Variants in FANCA observed in about 807,000 individuals in gnomAD.
The protein encoded by FANCA is Fanconi anemia group A protein.
In FANCA, 236 loss-of-function variants were observed where a neutral mutation model predicts 194.3. The ratio of observed to expected loss-of-function variants is 1.21; its 90% CI spans 1.09 to 1.35. The LOEUF (loss-of-function observed/expected upper bound fraction) is 1.35. Ranked by LOEUF, FANCA falls within the 40% of genes most tolerant of loss-of-function variation. FANCA has a pLI of 0.00. For synonymous variants in FANCA, 1,014 were observed against 715.8 expected, an observed-to-expected ratio of 1.42 and a Z score of -6.65; for missense variants, 2,628 against 1,813.9, an observed-to-expected ratio of 1.45 and a Z score of -8.15.
chr16:89,762,507 T>C (rs2143265451), intron 28 of FANCA: 1 of 224,070 alleles, frequency 4.5e-6, no homozygotes, highest in African/African-American at 2.4e-5. Flanking sequence ...GGCAGGAGGA[T>C]CTCTTGAGCC....
intron 29 of FANCA, among the ~76,000 whole-genome samples, chr16:89,760,943 G>C (rs1023964078): frequency 6.6e-6 from 1 of 152,128 alleles, no homozygotes; most frequent in African/African-American, 2.4e-5. Flanking sequence ...GCCCAGCCAG[G>C]GTAGGGTGAA....
chr16:89,796,888 T>A (rs574220251), intron 10 of FANCA, among the ~76,000 whole-genome samples: 6 of 151,988 alleles, frequency 3.9e-5, no homozygotes, highest in Admixed American at 6.5e-5. Context: ...GCCAGGCGCA[T>A]TGGCTCACAC....
At chr16:89,766,490 A>G (rs1224004530) in intron 27 of FANCA, among the ~76,000 whole-genome samples, 2 of 151,746 alleles carry the variant, frequency 1.3e-5, no homozygotes, top group African/African-American at 4.8e-5. Flanking sequence ...CGGGTGGATC[A>G]CTTGAGGTCA....
chr16:89,773,569 C>A (rs548589586), intron 21 of FANCA, among the ~76,000 whole-genome samples, 185 bp from the exon 22 acceptor site: 1 of 151,832 alleles, frequency 6.6e-6, no homozygotes, highest in East Asian at 1.9e-4. Context: ...GATGCCACAT[C>A]GAAAATTACA....
At position 89,738,133 on chromosome 16, in the gene FANCA, C is replaced by T; in HGVS notation, c.*468G>A. 1.2e-6 allele frequency: 2 copies of T among 1,613,738 alleles called. No individual in the cohort carries two copies. Among genetic ancestry groups the T allele is most frequent in the Non-Finnish European group, 1.7e-6 (2 of 1,180,018 alleles). On this transcript the variant is annotated 3_prime_UTR_variant, in exon 43 of 43. Coordinates refer to ENST00000389301, the MANE Select transcript of FANCA (RefSeq NM_000135.4). Reference sequence around the variant, plus strand: ...CAATGTACACATGTCCATGGTGCACCCGCTGACACAGACCCAGGACAAGGC... The same window carrying T: ...CAATGTACACATGTCCATGGTGCACTCGCTGACACAGACCCAGGACAAGGC...
intron 1 of FANCA, 104 bp downstream of exon 1, chr16:89,816,433 G>C: frequency 9.2e-7 from 1 of 1,083,738 alleles, no homozygotes; most frequent in Non-Finnish European, 1.2e-6. Flanking sequence ...CGCGGCGTCC[G>C]GGGATCCGAC....
chr16:89,746,575 C>T lies in FANCA; in HGVS notation c.3513+9G>A, dbSNP rs1394337237. 1 of 1,611,700 alleles carries T rather than the reference C, an allele frequency of 6.2e-7. No homozygotes were observed. Among genetic ancestry groups the T allele is most frequent in the Non-Finnish European group, 8.5e-7 (1 of 1,177,832 alleles). On this transcript the variant is annotated intron_variant, in intron 35 of 42. Coordinates refer to ENST00000389301, the MANE Select transcript of FANCA (RefSeq NM_000135.4). ...CAAAACAAAACACCAAACAAGACAG[C>T]TGACCCACCAGAGCAGAGGTCAAAA...
rs752878349 is a variant in FANCA, at chr16:89,778,934, C to T, written c.1776+9G>A. 3.7e-6 allele frequency: 6 copies of T among 1,614,152 alleles called. No individual in the cohort carries two copies. The highest frequency in any genetic ancestry group is 5.1e-6 in the Non-Finnish European group (6 of 1,180,026). ...AACTGGTCACAAACTCATGGAGACG[C>T]ATACTGACCACTCGAGGTGTGAGCA... is the stretch of plus-strand genomic sequence containing the variant. On this transcript the variant is annotated intron_variant, in intron 19 of 42. Coordinates refer to ENST00000389301, the MANE Select transcript of FANCA (RefSeq NM_000135.4).
chr16:89,792,952 G>C (rs1180017469), intron 11 of FANCA, among the ~76,000 whole-genome samples: 3 of 152,194 alleles, frequency 2.0e-5, no homozygotes, highest in Admixed American at 2.0e-4. Flanking sequence ...GCATATCAGA[G>C]ACTTTTAGTA....
intron 29 of FANCA, 86 bp from the exon 30 acceptor site, chr16:89,758,791 G>T (rs903220708): frequency 6.3e-7 from 1 of 1,586,768 alleles, no homozygotes; most frequent in African/African-American, 1.3e-5. Flanking sequence ...CCATAGTAAG[G>T]GACACACAGC....
intron 20 of FANCA, 50 bp downstream of exon 20, chr16:89,778,751 G>A: frequency 6.5e-7 from 1 of 1,542,862 alleles, no homozygotes; most frequent in Non-Finnish European, 8.9e-7. Context: ...TCTTCGCATT[G>A]TCAGAAGAAA....
At chr16:89,795,426 C>T (rs927326878) in intron 11 of FANCA, among the ~76,000 whole-genome samples, 6 of 150,338 alleles carry the variant, frequency 4.0e-5, no homozygotes, top group Non-Finnish European at 8.9e-5. Flanking sequence ...CACCGAAGGT[C>T]AGGAGTTCGA....
chr16:89,766,316 C>T (rs752612210), intron 27 of FANCA, among the ~76,000 whole-genome samples: 1 of 151,750 alleles, frequency 6.6e-6, no homozygotes, highest in African/African-American at 2.4e-5. Flanking sequence ...ATTTTATACA[C>T]GAGACGTTCA....
At chr16:89,775,882 C>A in intron 20 of FANCA, 67 bp from the exon 21 acceptor site, 1 of 952,392 alleles carries the variant, frequency 1.0e-6, no homozygotes, top group Non-Finnish European at 1.6e-6. Context: ...TTACAATCCC[C>A]AAATCTATTA....
intron 27 of FANCA, among the ~76,000 whole-genome samples, chr16:89,766,640 G>C (rs1484105996): frequency 6.6e-6 from 1 of 151,916 alleles, no homozygotes; most frequent in African/African-American, 2.4e-5. Context: ...GCCTGAACCC[G>C]GGAGGTGGAG....
Position 89,738,278 on chromosome 16 carries a change from C to T in FANCA, c.*323G>A. Reference sequence around the variant, plus strand: ...CAGTGAGGATGAGCACCTCTAGCAGCCTGGACTCCGCAGTGGCTGTGTCAG... The same window carrying T: ...CAGTGAGGATGAGCACCTCTAGCAGTCTGGACTCCGCAGTGGCTGTGTCAG... On this transcript the variant is annotated 3_prime_UTR_variant, in exon 43 of 43. Transcript: ENST00000389301. 1.9e-6 allele frequency: 3 copies of T among 1,562,674 alleles called. No homozygotes were observed. The highest frequency in any genetic ancestry group is 2.3e-5 in the South Asian group (2 of 86,052).
Position 89,773,351 on chromosome 16 carries a change from G to A in FANCA, c.1934C>T (p.Ser645Phe), listed in dbSNP as rs776682683. Residue 645 changes from serine to phenylalanine, a missense_variant, in exon 22 of 43, where the codon TCT becomes TTT. Physicochemically the swap from Ser to Phe is radical, Grantham distance 155. Transcript: ENST00000389301. The stretch of plus-strand genomic sequence containing the variant: ...GAGCTGTCCCAGGGGCTCCTCAGCA[G>A]AGTTGGGTTCTGCCCTCACTCCCAG... ...AALGVRAEPN[S>F]AEEPLGQLTA... 9.0e-6 allele frequency: 14 copies of A among 1,551,608 alleles called. No homozygotes were observed. The highest frequency in any genetic ancestry group is 1.2e-5 in the Non-Finnish European group (14 of 1,146,976).
intron 28 of FANCA, among the ~76,000 whole-genome samples, chr16:89,763,276 T>C (rs1240683903): frequency 2.6e-5 from 4 of 151,810 alleles, no homozygotes; most frequent in Non-Finnish European, 5.9e-5. Context: ...TTAAAAATAA[T>C]AAAATAATTT....
intron 3 of FANCA, among the ~76,000 whole-genome samples, chr16:89,812,257 G>A (rs2040914635): frequency 6.7e-6 from 1 of 149,790 alleles, no homozygotes; most frequent in Non-Finnish European, 1.5e-5. Context: ...AGAATGGCGT[G>A]AACCCAGGAG....
Sources: gnomAD v4.1 joint callset for allele counts (sites outside exome capture counted in the v4.1 genomes callset) on GRCh38, gnomAD v4.1.1 for gene constraint, MANE v1.5 for transcripts, NCBI Gene and HGNC (gene_info 2026-07-23, HGNC 2026-07-21) for gene names.